The following BICC1 variants were observed in gnomAD, a reference collection of about 807,000 sequenced individuals.
BICC1 encodes the protein protein bicaudal C homolog 1.
In BICC1, 43 loss-of-function variants were observed where a neutral mutation model predicts 111.0. The ratio of observed to expected loss-of-function variants is 0.39; its 90% CI spans 0.30 to 0.50. BICC1 has a LOEUF of 0.50. BICC1 is among the 20% of genes least tolerant of loss of function. The pLI, the probability that BICC1 is intolerant of heterozygous loss-of-function variation, is 0.88. For synonymous variants in BICC1, 467 were observed against 434.4 expected (o/e 1.07, Z -0.93); for missense variants, 1,091 against 1,203.2 (o/e 0.91, Z 1.38).
intron 2 of BICC1, among the ~76,000 whole-genome samples, chr10:58,680,688 T>C (rs1168729401): frequency 6.6e-6 from 1 of 152,220 alleles, no homozygotes; most frequent in Non-Finnish European, 1.5e-5. Flanking sequence ...AAATTTCATG[T>C]GGAACCAAAA....
At chr10:58,597,790 C>G (rs1019368062) in intron 1 of BICC1, among the ~76,000 whole-genome samples, 4 of 152,074 alleles carry the variant, frequency 2.6e-5, no homozygotes, top group Non-Finnish European at 4.4e-5. Flanking sequence ...TTTATAGGCT[C>G]TCTGCAAGAA....
At chr10:58,730,359 T>A (rs1439398926) in intron 3 of BICC1, among the ~76,000 whole-genome samples, 1 of 152,166 alleles carries the variant, frequency 6.6e-6, no homozygotes. Flanking sequence ...TCTACTCCTG[T>A]GGCCTTGTGG....
intron 1 of BICC1, among the ~76,000 whole-genome samples, chr10:58,606,500 C>A (rs1845219982): frequency 6.6e-6 from 1 of 152,162 alleles, no homozygotes; most frequent in African/African-American, 2.4e-5. Flanking sequence ...CAGCATGGCA[C>A]ATGTATACAT....
intron 4 of BICC1, among the ~76,000 whole-genome samples, chr10:58,786,704 ATTTC>A (rs1843019442): frequency 6.6e-6 from 1 of 152,192 alleles, no homozygotes; most frequent in South Asian, 2.1e-4. Flanking sequence ...AAATTTTTCT[ATTTC>A]TTCTGACAAA....
intron 2 of BICC1, among the ~76,000 whole-genome samples, chr10:58,665,117 C>T (rs1042929716): frequency 6.6e-6 from 1 of 152,074 alleles, no homozygotes; most frequent in Non-Finnish European, 1.5e-5. Context: ...GTAAAAAGTT[C>T]ATGGAAGGGT....
chr10:58,653,851 TC>T (rs1487648844), intron 2 of BICC1, among the ~76,000 whole-genome samples: 1 of 124,428 alleles, frequency 8.0e-6, no homozygotes, highest in Non-Finnish European at 1.6e-5. Flanking sequence ...CCCACCACAG[TC>T]CTCAGAGTGT....
intron 1 of BICC1, among the ~76,000 whole-genome samples, chr10:58,551,737 A>C (rs1843300491): frequency 6.6e-6 from 1 of 152,128 alleles, no homozygotes; most frequent in Non-Finnish European, 1.5e-5. Context: ...TATAAGTGAG[A>C]TCATACATAA....
At chr10:58,518,587 T>G in intron 1 of BICC1, among the ~76,000 whole-genome samples, 2 of 80,944 alleles carry the variant, frequency 2.5e-5, no homozygotes, top group Non-Finnish European at 4.7e-5. Flanking sequence ...TGTATGTGTG[T>G]GTTGGGGGGG....
chr10:58,601,170 A>ATATATATATATC (rs1277649903), intron 1 of BICC1, among the ~76,000 whole-genome samples: 2 of 136,434 alleles, frequency 1.5e-5, no homozygotes, highest in Non-Finnish European at 3.2e-5. Flanking sequence ...ATATATATAT[A>ATATATATATATC]TCTCCCAATA....
At chr10:58,806,952 T>C (rs1843727237) in intron 16 of BICC1, 52 bp from the exon 17 acceptor site, 2 of 1,503,586 alleles carry the variant, frequency 1.3e-6, no homozygotes, top group Non-Finnish European at 1.8e-6. Context: ...CAGTATTTTA[T>C]TGAAGAAATG....
intron 9 of BICC1, among the ~76,000 whole-genome samples, chr10:58,795,295 C>T (rs1843317460): frequency 6.6e-6 from 1 of 152,102 alleles, no homozygotes; most frequent in South Asian, 2.1e-4. Context: ...CCAAAGAAAA[C>T]TTTAAAGGAA....
At chr10:58,723,450 C>T (rs1841001445) in intron 3 of BICC1, among the ~76,000 whole-genome samples, 1 of 152,140 alleles carries the variant, frequency 6.6e-6, no homozygotes, top group African/African-American at 2.4e-5. Flanking sequence ...ATGGTATGAA[C>T]TTGTTGAGTT....
chr10:58,646,173 C>G (rs1838263979), intron 2 of BICC1, among the ~76,000 whole-genome samples: 1 of 151,442 alleles, frequency 6.6e-6, no homozygotes, highest in Non-Finnish European at 1.5e-5. Flanking sequence ...GCCAGCTTTT[C>G]CTAAGAATAG....
intron 3 of BICC1, among the ~76,000 whole-genome samples, chr10:58,776,148 G>A (rs538309548): frequency 4.6e-4 from 70 of 152,256 alleles, no homozygotes; most frequent in Admixed American, 1.0e-3. Context: ...TCTTATCTGA[G>A]TAGCTCAGAC....
rs1241055919 is a variant in BICC1, at chr10:58,753,891, T to TC, written c.308-31103dup. Among the ~76,000 whole-genome samples, 16 of 152,090 alleles carry TC rather than the reference T, an allele frequency of 1.1e-4. 1 individual carries two copies. The South Asian group carries it at 2.1e-3, about 20-fold the overall frequency. On this transcript the variant is annotated intron_variant, in intron 3 of 20. Transcript: ENST00000373886. ...ATCATTTGTCCTGTTTCATTTTTCT[T>TC]CCCCCCCTTTACTTTTCTTCTCTTT...
intron 3 of BICC1, chr10:58,715,930 A>C: frequency 7.5e-7 from 1 of 1,338,880 alleles, no homozygotes; most frequent in Non-Finnish European, 1.0e-6. Context: ...TGAGGATAAG[A>C]AACAAGGAAA....
chr10:58,757,713 A>G (rs563574369), intron 3 of BICC1, among the ~76,000 whole-genome samples: 141 of 152,256 alleles, frequency 9.3e-4, no homozygotes, highest in Non-Finnish European at 1.6e-3. Flanking sequence ...TCAAGACATA[A>G]CTTCCTTCAG....
In BICC1 at chr10:58,798,496, A is replaced by G. The variant is rs946600435; in HGVS notation, c.1464A>G (p.Pro488=). 15 of 1,613,144 alleles carry G rather than the reference A, an allele frequency of 9.3e-6. No homozygotes were observed. The highest frequency in any genetic ancestry group is 1.3e-5 in the Non-Finnish European group (15 of 1,179,568). Residue 488 remains proline (P), a synonymous_variant, in exon 11 of 21, where the codon CCA becomes CCG. Coordinates refer to ENST00000373886, the MANE Select transcript of BICC1 (RefSeq NM_001080512.3). ...LNSSVSPLQS[P]SSGTPSPTLW... is the part of the protein sequence containing the mutation. ...GCTCAGTCAGTCCTTTGCAAAGTCC[A>G]AGTTCTGGTACACCCAGCCCCACAT... is the stretch of plus-strand genomic sequence containing the variant.
At chr10:58,699,422 A>G (rs373889322) in intron 2 of BICC1, among the ~76,000 whole-genome samples, 56 of 152,200 alleles carry the variant, frequency 3.7e-4, no homozygotes, top group South Asian at 1.0e-3. Context: ...ATTTTCTGTC[A>G]TGGGCATCTA....
Sources: gnomAD v4.1 joint callset for allele counts (sites outside exome capture counted in the v4.1 genomes callset) on GRCh38, gnomAD v4.1.1 for gene constraint, MANE v1.5 for transcripts, NCBI Gene and HGNC (gene_info 2026-07-23, HGNC 2026-07-21) for gene names.